ABCC5: variants seen among roughly 807,000 people sequenced by gnomAD.
ABCC5 encodes ATP binding cassette subfamily C member 5, also known as ATP-binding cassette sub-family C member 5.
Under a neutral mutation model 160.9 loss-of-function variants are expected in ABCC5, and 61 were observed. The observed-to-expected ratio is 0.38, with a 90% CI of 0.31 to 0.47. ABCC5 has a LOEUF of 0.47. Among genes scored for constraint, ABCC5 ranks in the 20% least tolerant of loss-of-function variants. The pLI is 0.99. For synonymous variants in ABCC5, 666 were observed against 700.6 expected, an observed-to-expected ratio of 0.95 and a Z score of 0.78; for missense variants, 1,308 against 1,813.3, an observed-to-expected ratio of 0.72 and a Z score of 5.06.
Position 183,971,673 on chromosome 3 carries a change from G to A in ABCC5, c.1651C>T (p.Leu551=), listed in dbSNP as rs774143645. The A allele has an allele frequency of 2.5e-6, 4 of 1,614,118 alleles. No homozygotes were observed. The highest frequency in any genetic ancestry group is 3.3e-5 in the Admixed American group (2 of 60,004). Residue 551 remains leucine, a synonymous_variant, in exon 11 of 30, where the codon CTG becomes TTG. Coordinates refer to ENST00000334444, the MANE Select transcript of ABCC5 (RefSeq NM_005688.4). Reference sequence around the variant, plus strand: ...GGACTGGGCCGCTCGTCACTGTCCAGGAGGAGGTGGCCTTTCTGCTCTGCC... The same window carrying A: ...GGACTGGGCCGCTCGTCACTGTCCAAGAGGAGGTGGCCTTTCTGCTCTGCC... ...VLAEQKGHLL[L]DSDERPSPEE...
chr3:183,930,284 T>C (rs887566006), intron 26 of ABCC5, among the ~76,000 whole-genome samples: 1 of 152,248 alleles, frequency 6.6e-6, no homozygotes, highest in Non-Finnish European at 1.5e-5. Context: ...ATTCCTGCTA[T>C]CTGGGCATCT....
In ABCC5 at chr3:183,983,013, G is replaced by A; in HGVS notation, c.592-6C>T. On this transcript the variant is annotated splice_polypyrimidine_tract_variant and splice_region_variant and intron_variant, in intron 5 of 29. Coordinates refer to ENST00000334444, the MANE Select transcript of ABCC5 (RefSeq NM_005688.4). ...AGGTGTTTCACCATGAAGGCCTACAGGGAGAGACACACACCACTGTCAACA... is the reference window on the plus strand; with the variant it reads ...AGGTGTTTCACCATGAAGGCCTACAAGGAGAGACACACACCACTGTCAACA... The A allele has an allele frequency of 6.2e-7, 1 of 1,608,798 alleles. No individual in the cohort carries two copies. Among genetic ancestry groups the A allele is most frequent in the Non-Finnish European group, 8.5e-7 (1 of 1,175,214 alleles).
intron 11 of ABCC5, 94 bp from the exon 12 acceptor site, chr3:183,967,860 C>A: frequency 9.8e-7 from 1 of 1,019,498 alleles, no homozygotes. Context: ...GTAGTCTACC[C>A]ATACAGAACT....
intron 11 of ABCC5, 127 bp from the exon 12 acceptor site, chr3:183,967,893 C>T (rs373479924): frequency 2.7e-6 from 2 of 749,976 alleles, no homozygotes; most frequent in Admixed American, 2.1e-5. Flanking sequence ...ACTCAGCAGG[C>T]CACTTACCTG....
At chr3:184,003,280 AAG>A (rs1406862982) in intron 2 of ABCC5, among the ~76,000 whole-genome samples, 1 of 152,186 alleles carries the variant, frequency 6.6e-6, no homozygotes, top group East Asian at 1.9e-4. Flanking sequence ...ATGTCCTCCC[AAG>A]ACCGGCTGAC....
At chr3:183,930,622 G>A (rs529705708) in intron 26 of ABCC5, among the ~76,000 whole-genome samples, 1 of 152,350 alleles carries the variant, frequency 6.6e-6, no homozygotes, top group Non-Finnish European at 1.5e-5. Context: ...GAAACACTGG[G>A]AGGGCATCAT....
chr3:183,991,317 C>CA, intron 2 of ABCC5, among the ~76,000 whole-genome samples: 1 of 145,100 alleles, frequency 6.9e-6, no homozygotes, highest in Non-Finnish European at 1.5e-5. Flanking sequence ...AAAAAAAAAA[C>CA]AAAAAACAAA....
intron 8 of ABCC5, 37 bp from the exon 9 acceptor site, chr3:183,978,688 A>G (rs767762225): frequency 1.4e-5 from 23 of 1,604,164 alleles, no homozygotes; most frequent in Non-Finnish European, 1.9e-5. Flanking sequence ...AAAGCAAGTT[A>G]AAAGAAGCCT....
chr3:184,001,500 A>C lies in ABCC5; in HGVS notation c.130-12117T>G, dbSNP rs938255184. Among the ~76,000 whole-genome samples, 71 of 152,182 alleles carry C rather than the reference A, an allele frequency of 4.7e-4. 1 individual carries two copies. Among genetic ancestry groups the C allele is most frequent in the Non-Finnish European group, 1.9e-4 (13 of 68,030 alleles). Reference sequence around the variant, plus strand: ...AGTACTGTGTCGCACGGTGCAGCCCAGGAGTTCACAAGTGAGGGTGTTTTG... The same window carrying C: ...AGTACTGTGTCGCACGGTGCAGCCCCGGAGTTCACAAGTGAGGGTGTTTTG... On this transcript the variant is annotated intron_variant, in intron 2 of 29. Coordinates refer to ENST00000334444, the MANE Select transcript of ABCC5 (RefSeq NM_005688.4).
chr3:183,937,114 C>A (rs982056000), intron 26 of ABCC5, among the ~76,000 whole-genome samples: 12 of 152,236 alleles, frequency 7.9e-5, no homozygotes, highest in African/African-American at 2.6e-4. Flanking sequence ...CAGTGGCTCG[C>A]GCCTGTAATC....
Position 183,988,577 on chromosome 3 carries a change from G to A in ABCC5, c.438C>T (p.Cys146=). 6.2e-7 allele frequency: 1 copy of A among 1,612,858 alleles called. No individual in the cohort carries two copies. The highest frequency in any genetic ancestry group is 8.5e-7 in the Non-Finnish European group (1 of 1,179,666). Residue 146 remains cysteine (C), a synonymous_variant, in exon 4 of 30, where the codon TGC becomes TGT. Transcript: ENST00000334444. The surrounding 1 kb of genome is among the most constrained non-coding windows in gnomAD (Gnocchi z 4.4). ...LSKHESSDVN[C]RRLERLWQEE... Reference sequence around the variant, plus strand: ...GGTGGACCAGAGGCGCCTACCTTCTGCAGTTCACGTCAGAAGACTCGTGCT... The same window carrying A: ...GGTGGACCAGAGGCGCCTACCTTCTACAGTTCACGTCAGAAGACTCGTGCT...
intron 9 of ABCC5, 142 bp from the exon 10 acceptor site, chr3:183,977,766 T>A: frequency 1.6e-6 from 1 of 607,414 alleles, no homozygotes; most frequent in Non-Finnish European, 2.8e-6. Context: ...CATTTTTTTT[T>A]TTTTGAGACG....
chr3:183,994,006 C>A (rs898261267), intron 2 of ABCC5, among the ~76,000 whole-genome samples: 1 of 149,908 alleles, frequency 6.7e-6, no homozygotes, highest in Non-Finnish European at 1.5e-5. Flanking sequence ...CTCTGTCACC[C>A]AGGATGGAGT....
rs1218929214 is a variant in ABCC5 at position 183,951,292 on chromosome 3, T to C, written c.2944+149A>G. The C allele has an allele frequency of 1.2e-5, 12 of 1,008,490 alleles. No homozygotes were observed. The highest frequency in any genetic ancestry group is 4.4e-4 in the Middle Eastern group (2 of 4,544). The allele number at this position is 1,008,490 out of a possible 1,614,324, so 62.5% of individuals were successfully genotyped here. On this transcript the variant is annotated intron_variant, in intron 20 of 29. Coordinates refer to ENST00000334444, the MANE Select transcript of ABCC5 (RefSeq NM_005688.4). This position sits in a 1 kb window ranked among gnomAD's most constrained non-coding sequence, Gnocchi z 4.7. ...TTTTCAGGTCAAACAAGACAGAAAA[T>C]GCAGTTGCAATGTTCCTGGTGAAAA...
At chr3:183,936,196 G>A (rs1285860374) in intron 26 of ABCC5, among the ~76,000 whole-genome samples, 1 of 152,094 alleles carries the variant, frequency 6.6e-6, no homozygotes, top group Non-Finnish European at 1.5e-5. Flanking sequence ...CCGAGGAAAG[G>A]CCACATGAGG....
chr3:183,973,597 T>G (rs1294226077), intron 10 of ABCC5, among the ~76,000 whole-genome samples: 1 of 152,104 alleles, frequency 6.6e-6, no homozygotes, highest in Non-Finnish European at 1.5e-5. Flanking sequence ...CTCTCTTAGA[T>G]TCTAAACTTC....
rs1038198776 is a variant in ABCC5, at chr3:183,920,468, G to A, written c.*832C>T. The A allele has an allele frequency of 6.6e-6, 1 of 152,630 alleles. No individual in the cohort carries two copies. The highest frequency in any genetic ancestry group is 6.5e-5 in the Admixed American group (1 of 15,268). The allele number at this position is 152,630 out of a possible 1,614,324, so 9.5% of individuals were successfully genotyped here. ...ACCTGAGGCAGTGGGACTCTCTGTG[G>A]ATAGACTGATTCTTGTTTAGAAACA... On this transcript the variant is annotated 3_prime_UTR_variant, in exon 30 of 30. Coordinates refer to ENST00000334444, the MANE Select transcript of ABCC5 (RefSeq NM_005688.4). The surrounding 1 kb of genome is among the most constrained non-coding windows in gnomAD (Gnocchi z 4.1).
chr3:184,012,937 C>T (rs919987890), intron 2 of ABCC5, among the ~76,000 whole-genome samples: 1 of 152,182 alleles, frequency 6.6e-6, no homozygotes, highest in African/African-American at 2.4e-5. Flanking sequence ...AAGGAAAGGC[C>T]AGTGTCAGCT....
chr3:183,959,514 T>C (rs1716535257), intron 17 of ABCC5, among the ~76,000 whole-genome samples: 1 of 152,160 alleles, frequency 6.6e-6, no homozygotes, highest in Admixed American at 6.5e-5. Context: ...GGAGAAGACA[T>C]GGGTCTGAAG....
Sources: allele counts gnomAD v4.1 joint callset (sites outside exome capture counted in the v4.1 genomes callset), GRCh38; gene constraint gnomAD v4.1.1; non-coding constraint Gnocchi (gnomAD v3.1); transcripts MANE v1.5; gene names NCBI Gene and HGNC (gene_info 2026-07-23, HGNC 2026-07-21).